The following RAPGEF5 variants were observed in gnomAD, a reference collection of about 807,000 sequenced individuals.
The protein encoded by RAPGEF5 is M-Ras-regulated GEF.
Under a neutral mutation model 125.2 loss-of-function variants are expected in RAPGEF5, and 65 were observed. The ratio of observed to expected loss-of-function variants is 0.52; its 90% CI spans 0.43 to 0.64. RAPGEF5 has a LOEUF of 0.64. Among genes scored for constraint, RAPGEF5 ranks in the 30% least tolerant of loss-of-function variants. RAPGEF5 has a pLI of 0.00. For missense variants in RAPGEF5, 958 were observed against 1,048.1 expected (o/e 0.91, Z 1.19); for synonymous variants, 391 against 385.9 (o/e 1.01, Z -0.16).
intron 5 of RAPGEF5, among the ~76,000 whole-genome samples, chr7:22,293,462 A>G (rs1390814160): frequency 6.6e-6 from 1 of 152,088 alleles, no homozygotes; most frequent in Non-Finnish European, 1.5e-5. Flanking sequence ...CCTCTTCGAC[A>G]GTCTAGGCTC....
intron 24 of RAPGEF5, among the ~76,000 whole-genome samples, chr7:22,130,304 C>T (rs1430907434): frequency 6.6e-6 from 1 of 152,196 alleles, no homozygotes; most frequent in African/African-American, 2.4e-5. Flanking sequence ...GGTAACCCCT[C>T]CTTTGCTCAA....
At chr7:22,309,947 G>A in intron 4 of RAPGEF5, 22 bp downstream of exon 4, 1 of 1,550,368 alleles carries the variant, frequency 6.5e-7, no homozygotes, top group East Asian at 2.5e-5. Flanking sequence ...ATGATGCTGT[G>A]CCTTCAAGAC....
chr7:22,214,894 C>A (rs1156291398), intron 9 of RAPGEF5, among the ~76,000 whole-genome samples: 1 of 152,188 alleles, frequency 6.6e-6, no homozygotes, highest in African/African-American at 2.4e-5. Flanking sequence ...CCCAAGTCTG[C>A]TTAATCACTC....
chr7:22,219,875 C>T lies in RAPGEF5; in HGVS notation c.987G>A (p.Lys329=). 1 of 1,611,714 alleles carries T rather than the reference C, an allele frequency of 6.2e-7. No individual in the cohort carries two copies. Among genetic ancestry groups the T allele is most frequent in the Non-Finnish European group, 8.5e-7 (1 of 1,178,336 alleles). ...FLQTDKKEQE[K]SEHQDDEVTT... Reference sequence around the variant, plus strand: ...GAGGCAAAAGGCTTACGTGTTCAGACTTCTCCTGTTCTTTTTTGTCCGTCT... The same window carrying T: ...GAGGCAAAAGGCTTACGTGTTCAGATTTCTCCTGTTCTTTTTTGTCCGTCT... Residue 329 remains lysine, a synonymous_variant, in exon 9 of 26, where the codon AAG becomes AAA. Transcript: ENST00000665637.
chr7:22,269,027 T>C (rs1284365862), intron 6 of RAPGEF5, among the ~76,000 whole-genome samples: 2 of 152,004 alleles, frequency 1.3e-5, no homozygotes, highest in African/African-American at 4.8e-5. Flanking sequence ...ACTTAGAACC[T>C]AGGCTGCTTT....
At chr7:22,325,437 C>T (rs778382990) in intron 1 of RAPGEF5, among the ~76,000 whole-genome samples, 1 of 152,224 alleles carries the variant, frequency 6.6e-6, no homozygotes, top group Non-Finnish European at 1.5e-5. Context: ...TGCCCCACTC[C>T]AATCACCACC....
intron 9 of RAPGEF5, among the ~76,000 whole-genome samples, chr7:22,215,363 T>C (rs565282746): frequency 1.3e-3 from 193 of 152,314 alleles, no homozygotes; most frequent in Non-Finnish European, 8.4e-4. Context: ...TAATTTAAGG[T>C]CCAGGTCAAA....
chr7:22,128,012 A>G lies in RAPGEF5; in HGVS notation c.2482-2354T>C, dbSNP rs3807540. Among the ~76,000 whole-genome samples the G allele has an allele frequency of 1.0e-3, 156 of 152,200 alleles. 3 individuals carry two copies. In the East Asian group the frequency reaches 0.025, roughly 25 times the overall value. On this transcript the variant is annotated intron_variant, in intron 24 of 25. Coordinates refer to ENST00000665637, the MANE Select transcript of RAPGEF5 (RefSeq NM_012294.5). ...TGTTCAGTTTCCTTCCCCAGATTTT[A>G]CCACTTTTCCCAGGTCAGTTTTCTC...
At chr7:22,128,754 T>C (rs1340999854) in intron 24 of RAPGEF5, among the ~76,000 whole-genome samples, 1 of 152,182 alleles carries the variant, frequency 6.6e-6, no homozygotes, top group East Asian at 1.9e-4. Flanking sequence ...GTGTGGAGCC[T>C]GCCCTCTGAG....
chr7:22,311,475 A>G (rs1261937884), intron 3 of RAPGEF5, among the ~76,000 whole-genome samples: 1 of 152,212 alleles, frequency 6.6e-6, no homozygotes, highest in African/African-American at 2.4e-5. Flanking sequence ...CTAGAATCAC[A>G]CCATAACCAA....
intron 11 of RAPGEF5, among the ~76,000 whole-genome samples, chr7:22,181,972 T>C (rs1370045471): frequency 1.3e-5 from 2 of 152,184 alleles, no homozygotes; most frequent in Non-Finnish European, 2.9e-5. Context: ...TCTATGACAT[T>C]ACACCCTTTC....
At chr7:22,160,158 T>C (rs181934575) in intron 14 of RAPGEF5, among the ~76,000 whole-genome samples, 51 of 152,258 alleles carry the variant, frequency 3.3e-4, no homozygotes, top group Non-Finnish European at 6.5e-4. Flanking sequence ...GACCTATTTA[T>C]AAAACTTTTC....
rs2128094929 is a variant in RAPGEF5 at position 22,120,058 on chromosome 7, A to C, written c.*2348T>G. ...TGCTGCCTGGCAAACCTCTGGAGAC[A>C]GTTGTTAAACTTCAGAAAGATGCAG... On this transcript the variant is annotated 3_prime_UTR_variant, in exon 26 of 26. Transcript: ENST00000665637. This position sits in a 1 kb window ranked among gnomAD's most constrained non-coding sequence, Gnocchi z 4.0. 6.6e-6 allele frequency: 1 copy of C among 152,358 alleles called. No individual in the cohort carries two copies. Among genetic ancestry groups the C allele is most frequent in the South Asian group, 2.1e-4 (1 of 4,828 alleles). 9.4% of individuals were successfully genotyped at this position (152,358 alleles called of 1,614,324 possible).
At chr7:22,189,304 G>A (rs1784919188) in intron 11 of RAPGEF5, among the ~76,000 whole-genome samples, 1 of 152,122 alleles carries the variant, frequency 6.6e-6, no homozygotes, top group Non-Finnish European at 1.5e-5. Context: ...GTAAGAAGGG[G>A]TTTCTCCATG....
chr7:22,312,232 G>C (rs1249174867), intron 3 of RAPGEF5, among the ~76,000 whole-genome samples: 8 of 150,756 alleles, frequency 5.3e-5, no homozygotes, highest in Non-Finnish European at 8.9e-5. Flanking sequence ...TTTTGAGACT[G>C]AGTTTCACTC....
chr7:22,146,944 G>A lies in RAPGEF5; in HGVS notation c.1960C>T (p.Leu654=), dbSNP rs1489359165. The A allele has an allele frequency of 1.9e-6, 3 of 1,613,542 alleles. No homozygotes were observed. The highest frequency in any genetic ancestry group is 3.3e-5 in the Admixed American group (2 of 59,928). Residue 654 remains leucine (L), a synonymous_variant, in exon 19 of 26, where the codon CTG becomes TTG. Coordinates refer to ENST00000665637, the MANE Select transcript of RAPGEF5 (RefSeq NM_012294.5). ...ILGMNTWDLA[L]ELMNFDWSLF... ...CTCCAATCAAAATTCATTAATTCCA[G>A]AGCAAGATCCCAAGTGTTCATTCCC...
chr7:22,274,325 GT>G (rs1782507810), intron 6 of RAPGEF5, among the ~76,000 whole-genome samples: 2 of 151,848 alleles, frequency 1.3e-5, no homozygotes, highest in Admixed American at 1.3e-4. Context: ...ATTTCCAAAG[GT>G]GAATTCACTT....
chr7:22,327,130 A>G (rs1004730865), intron 1 of RAPGEF5, among the ~76,000 whole-genome samples: 2 of 152,234 alleles, frequency 1.3e-5, no homozygotes, highest in African/African-American at 4.8e-5. Flanking sequence ...AACTGATGCT[A>G]AAGGCCAAAT....
chr7:22,125,545 CCA>C, intron 25 of RAPGEF5, 57 bp downstream of exon 25: 1 of 1,498,688 alleles, frequency 6.7e-7, no homozygotes, highest in Non-Finnish European at 9.3e-7. Flanking sequence ...ATACTTGTGA[CCA>C]CAGTTGGTAC....
Sources: allele counts gnomAD v4.1 joint callset (sites outside exome capture counted in the v4.1 genomes callset), GRCh38; gene constraint gnomAD v4.1.1; non-coding constraint Gnocchi (gnomAD v3.1); transcripts MANE v1.5; gene names NCBI Gene and HGNC (gene_info 2026-07-23, HGNC 2026-07-21).